CNTN3: variants seen among roughly 807,000 people sequenced by gnomAD.
The protein encoded by CNTN3 is contactin-3.
Under a neutral mutation model 119.1 loss-of-function variants are expected in CNTN3, and 60 were observed. The ratio of observed to expected loss-of-function variants is 0.50; its 90% CI spans 0.41 to 0.62. CNTN3 has a LOEUF of 0.62. Ranked by LOEUF, CNTN3 falls within the 20% of genes least tolerant of loss-of-function variation. CNTN3 has a pLI of 0.00. For synonymous variants in CNTN3, 450 were observed against 438.7 expected (o/e 1.03, Z -0.32); for missense variants, 1,101 against 1,242.4 (o/e 0.89, Z 1.71).
intron 1 of CNTN3, among the ~76,000 whole-genome samples, chr3:74,585,025 T>C (rs1022706304): frequency 2.0e-5 from 3 of 152,190 alleles, no homozygotes; most frequent in Admixed American, 2.0e-4. Flanking sequence ...AGTCTTTCCC[T>C]TTTTGTTCCT....
At chr3:74,610,364 T>C (rs925780644) in intron 1 of CNTN3, among the ~76,000 whole-genome samples, 5 of 150,190 alleles carry the variant, frequency 3.3e-5, no homozygotes, top group African/African-American at 1.2e-4. Context: ...AGTTTGTGTG[T>C]GTGCACACGT....
intron 1 of CNTN3, among the ~76,000 whole-genome samples, chr3:74,537,688 A>G (rs753773768): frequency 4.6e-5 from 7 of 152,144 alleles, no homozygotes; most frequent in African/African-American, 9.6e-5. Context: ...TGTTCCCCAA[A>G]TGAGCTGTTT....
intron 1 of CNTN3, among the ~76,000 whole-genome samples, chr3:74,545,032 G>A (rs1403741337): frequency 6.6e-6 from 1 of 152,168 alleles, no homozygotes; most frequent in Non-Finnish European, 1.5e-5. Flanking sequence ...AAGTTCTAGG[G>A]ATGGTTGTTG....
intron 18 of CNTN3, 141 bp downstream of exon 18, chr3:74,297,816 T>G (rs2106808802): frequency 6.5e-6 from 4 of 618,458 alleles, no homozygotes; most frequent in Non-Finnish European, 8.5e-6. Context: ...CTTTATGACT[T>G]GCACTGGGAA....
chr3:74,482,630 C>T (rs1702782220), intron 4 of CNTN3, among the ~76,000 whole-genome samples: 1 of 152,058 alleles, frequency 6.6e-6, no homozygotes, highest in African/African-American at 2.4e-5. Flanking sequence ...CACAGAAGTA[C>T]TTTCTCCATA....
chr3:74,412,247 T>C (rs2106872650), intron 5 of CNTN3, among the ~76,000 whole-genome samples: 1 of 152,294 alleles, frequency 6.6e-6, no homozygotes, highest in South Asian at 2.1e-4. Flanking sequence ...TTTCCCCTAC[T>C]CTGTTGTGCT....
intron 5 of CNTN3, among the ~76,000 whole-genome samples, chr3:74,373,279 G>A (rs1704387444): frequency 6.6e-6 from 1 of 152,194 alleles, no homozygotes; most frequent in Non-Finnish European, 1.5e-5. Context: ...TTCTGCAGTT[G>A]TTAAAACTGG....
intron 17 of CNTN3, among the ~76,000 whole-genome samples, chr3:74,298,680 C>T (rs571665539): frequency 1.3e-3 from 195 of 150,446 alleles, no homozygotes; most frequent in Middle Eastern, 7.0e-3. Flanking sequence ...GTGGCCATCA[C>T]GAGGTCAGGA....
intron 4 of CNTN3, among the ~76,000 whole-genome samples, chr3:74,433,881 T>G (rs921802725): frequency 6.6e-6 from 1 of 152,240 alleles, no homozygotes; most frequent in Non-Finnish European, 1.5e-5. Context: ...TTTCCCACCT[T>G]GTTCTTCTAT....
chr3:74,358,581 C>CTTT (rs1278876442), intron 11 of CNTN3, among the ~76,000 whole-genome samples: 6 of 130,942 alleles, frequency 4.6e-5, no homozygotes, highest in African/African-American at 1.6e-4. Context: ...GAAGTGTATT[C>CTTT]TTTTTTTTTT....
intron 2 of CNTN3, among the ~76,000 whole-genome samples, chr3:74,513,774 C>T (rs1476519415): frequency 6.6e-6 from 1 of 152,030 alleles, no homozygotes; most frequent in East Asian, 1.9e-4. Context: ...GAATAAATTG[C>T]CTCCTATTAA....
At chr3:74,477,413 G>A (rs979373817) in intron 4 of CNTN3, among the ~76,000 whole-genome samples, 1 of 152,104 alleles carries the variant, frequency 6.6e-6, no homozygotes, top group Non-Finnish European at 1.5e-5. Context: ...AAACAGTACT[G>A]ACCAGCAAGA....
In CNTN3 at chr3:74,267,266, T is replaced by C; in HGVS notation, c.2817A>G (p.Lys939=). ...AAGCATTGCAAATGAGAAAACTTAC[T>C]TTATATCCTGTTACTTCTGACTCAT... is the stretch of plus-strand genomic sequence containing the variant. ...MENESEVTGY[K]VFYRTSSQNN... The change falls in exon 21 of 23, where the codon AAA becomes AAG. Residue 939 remains lysine, a splice_region_variant and synonymous_variant. Coordinates refer to ENST00000263665, the MANE Select transcript of CNTN3 (RefSeq NM_020872.3). The C allele has an allele frequency of 6.2e-7, 1 of 1,600,360 alleles. No individual in the cohort carries two copies.
chr3:74,459,238 A>G (rs1702321893), intron 4 of CNTN3, among the ~76,000 whole-genome samples: 1 of 151,786 alleles, frequency 6.6e-6, no homozygotes, highest in South Asian at 2.1e-4. Flanking sequence ...ACCCAGAGGG[A>G]CCTCACTATC....
chr3:74,385,667 T>C lies in CNTN3; in HGVS notation c.455-14268A>G, dbSNP rs558383177. Among the ~76,000 whole-genome samples, 3 of 152,330 alleles carry C rather than the reference T, an allele frequency of 2.0e-5. No homozygotes were observed. In the South Asian group the frequency reaches 6.2e-4, roughly 32 times the overall value. ...GAGGGTTGCACGAGACAGCTCTGGT[T>C]GCCAACCTGTGGGATGTGAATTCTT... On this transcript the variant is annotated intron_variant, in intron 5 of 22. Coordinates refer to ENST00000263665, the MANE Select transcript of CNTN3 (RefSeq NM_020872.3).
intron 5 of CNTN3, among the ~76,000 whole-genome samples, chr3:74,422,153 A>G (rs1701625945): frequency 6.6e-6 from 1 of 152,218 alleles, no homozygotes; most frequent in Non-Finnish European, 1.5e-5. Context: ...GCCTGCCCTC[A>G]AGAAGCTCAT....
At position 74,436,402 on chromosome 3, in the gene CNTN3, C is replaced by A. The variant is rs146611040; in HGVS notation, c.359-11462G>T. Among the ~76,000 whole-genome samples the A allele has an allele frequency of 9.4e-3, 1,426 of 152,234 alleles. 23 individuals are homozygous for A. Among genetic ancestry groups the A allele is most frequent in the African/African-American group, 0.032 (1,330 of 41,558 alleles). On this transcript the variant is annotated intron_variant, in intron 4 of 22. Transcript: ENST00000263665. Reference sequence around the variant, plus strand: ...CACCACACCTACCCAGTACAGATGGCCTCAATCTAAGCAGTACGATCCACT... The same window carrying A: ...CACCACACCTACCCAGTACAGATGGACTCAATCTAAGCAGTACGATCCACT...
intron 1 of CNTN3, among the ~76,000 whole-genome samples, chr3:74,580,111 C>T (rs534805796): frequency 1.3e-5 from 2 of 152,204 alleles, no homozygotes; most frequent in South Asian, 2.1e-4. Context: ...AATAATTATA[C>T]ATTATCGGTA....
intron 1 of CNTN3, among the ~76,000 whole-genome samples, chr3:74,565,710 G>C (rs763995267): frequency 2.6e-5 from 4 of 152,232 alleles, no homozygotes; most frequent in African/African-American, 9.6e-5. Context: ...TGGTGAGCCT[G>C]TGCCCTGCCA....
Sources: allele counts gnomAD v4.1 joint callset (sites outside exome capture counted in the v4.1 genomes callset), GRCh38; gene constraint gnomAD v4.1.1; transcripts MANE v1.5; gene names NCBI Gene and HGNC (gene_info 2026-07-23, HGNC 2026-07-21).